Variants in CSMD1 observed in about 807,000 individuals in gnomAD.
CSMD1 encodes CUB and sushi domain-containing protein 1.
CSMD1 carries 213 observed loss-of-function variants against 417.5 expected under a neutral mutation model. That is an observed-to-expected ratio of 0.51 (90% CI 0.46 to 0.57). The LOEUF is 0.57. Ranked by LOEUF, CSMD1 falls within the 20% of genes least tolerant of loss-of-function variation. The pLI is 0.00. For synonymous variants in CSMD1, 2,862 were observed against 1,736.8 expected, an observed-to-expected ratio of 1.65 and a Z score of -16.11; for missense variants, 6,923 against 4,529.7, an observed-to-expected ratio of 1.53 and a Z score of -15.17.
At chr8:3,332,060 T>G (rs1268125322) in intron 23 of CSMD1, among the ~76,000 whole-genome samples, 1 of 152,182 alleles carries the variant, frequency 6.6e-6, no homozygotes, top group Non-Finnish European at 1.5e-5. Flanking sequence ...AGATTATCAA[T>G]CAATAGATGA....
intron 2 of CSMD1, among the ~76,000 whole-genome samples, chr8:4,439,434 T>C (rs969651086): frequency 6.6e-6 from 1 of 152,150 alleles, no homozygotes; most frequent in Non-Finnish European, 1.5e-5. Flanking sequence ...AATGTAATGA[T>C]TTTCATCTAA....
At chr8:3,479,333 T>A (rs1317254824) in intron 11 of CSMD1, among the ~76,000 whole-genome samples, 2 of 152,194 alleles carry the variant, frequency 1.3e-5, no homozygotes, top group Non-Finnish European at 2.9e-5. Flanking sequence ...CAGGCTGGAG[T>A]GCAGTGGCAT....
chr8:4,993,928 C>T (rs1456502032), intron 1 of CSMD1, among the ~76,000 whole-genome samples: 3 of 152,094 alleles, frequency 2.0e-5, no homozygotes, highest in African/African-American at 4.8e-5. Flanking sequence ...CCAGGCGCGT[C>T]GGGTCCGGGG....
chr8:4,311,064 G>T (rs543045913), intron 3 of CSMD1, among the ~76,000 whole-genome samples: 4 of 152,154 alleles, frequency 2.6e-5, no homozygotes, highest in African/African-American at 9.7e-5. Context: ...GTGTAAATTA[G>T]TTCAACTACT....
intron 3 of CSMD1, among the ~76,000 whole-genome samples, chr8:4,154,188 G>A (rs1448259978): frequency 1.3e-5 from 2 of 152,156 alleles, no homozygotes; most frequent in African/African-American, 2.4e-5. Flanking sequence ...AACCTTAGAT[G>A]CCACATCTAT....
intron 52 of CSMD1, among the ~76,000 whole-genome samples, chr8:3,004,381 A>C (rs532196533): frequency 6.6e-6 from 1 of 152,282 alleles, no homozygotes; most frequent in South Asian, 2.1e-4. Flanking sequence ...GTGTGTCAGA[A>C]ATTGTCCTAT....
intron 12 of CSMD1, among the ~76,000 whole-genome samples, chr8:3,413,768 C>A (rs1332996108): frequency 6.6e-6 from 1 of 152,150 alleles, no homozygotes; most frequent in Non-Finnish European, 1.5e-5. Flanking sequence ...GAGTAAGATA[C>A]TGTTGACAAT....
rs1802160316 is a variant in CSMD1 at position 3,616,777 on chromosome 8, A to G, written c.1030T>C (p.Leu344=). The change falls in exon 8 of 70, where the codon TTG becomes CTG. Residue 344 remains leucine, a synonymous_variant. Transcript: ENST00000635120. ...GGATCTGGACACATGTCAGAGACCA[A>G]TGCAACACCTCCTTGGCTCACTGTA... ...NSVLSQGGVA[L]VSDMCPDPGI... 6.2e-7 allele frequency: 1 copy of G among 1,611,948 alleles called. No individual in the cohort carries two copies. The highest frequency in any genetic ancestry group is 8.5e-7 in the Non-Finnish European group (1 of 1,178,812).
chr8:3,441,374 A>C (rs1814974576), intron 12 of CSMD1, among the ~76,000 whole-genome samples: 1 of 152,106 alleles, frequency 6.6e-6, no homozygotes, highest in Admixed American at 6.6e-5. Flanking sequence ...CGACTGATAT[A>C]AACATGTGAT....
intron 40 of CSMD1, among the ~76,000 whole-genome samples, chr8:3,144,067 G>T (rs7004684): frequency 6.6e-6 from 1 of 152,084 alleles, no homozygotes; most frequent in African/African-American, 2.4e-5. Context: ...CCTGCTTGGT[G>T]GGCATCACGT....
intron 3 of CSMD1, among the ~76,000 whole-genome samples, chr8:4,146,352 C>T (rs900831672): frequency 6.6e-6 from 1 of 150,742 alleles, no homozygotes; most frequent in Non-Finnish European, 1.5e-5. Flanking sequence ...TTCTGATAAG[C>T]TTCAGCCCAA....
At chr8:3,639,997 T>C (rs1404163812) in intron 7 of CSMD1, among the ~76,000 whole-genome samples, 4 of 152,230 alleles carry the variant, frequency 2.6e-5, no homozygotes, top group Admixed American at 1.3e-4. Context: ...GGTTGGGATA[T>C]AGTAGGTGCT....
intron 2 of CSMD1, among the ~76,000 whole-genome samples, chr8:4,438,834 G>C (rs1400513734): frequency 2.6e-5 from 4 of 152,172 alleles, no homozygotes; most frequent in African/African-American, 4.8e-5. Flanking sequence ...TCTCAAAATT[G>C]AAAGGTGTAT....
intron 5 of CSMD1, among the ~76,000 whole-genome samples, chr8:3,989,242 T>G (rs1814561614): frequency 6.6e-6 from 1 of 152,186 alleles, no homozygotes; most frequent in African/African-American, 2.4e-5. Flanking sequence ...ATCTGGGACT[T>G]CCAGAGCAAA....
intron 3 of CSMD1, among the ~76,000 whole-genome samples, chr8:4,363,379 T>C (rs1179566048): frequency 6.6e-6 from 1 of 152,194 alleles, no homozygotes; most frequent in Non-Finnish European, 1.5e-5. Context: ...CGTGCATGCT[T>C]TATACGTAAG....
chr8:4,400,061 T>G (rs755384566), intron 3 of CSMD1, among the ~76,000 whole-genome samples: 3 of 152,112 alleles, frequency 2.0e-5, no homozygotes, highest in Non-Finnish European at 2.9e-5. Context: ...ATGGACAGTA[T>G]CAGCATGCCA....
At chr8:4,808,925 G>A (rs1376441893) in intron 1 of CSMD1, among the ~76,000 whole-genome samples, 1 of 152,166 alleles carries the variant, frequency 6.6e-6, no homozygotes, top group Non-Finnish European at 1.5e-5. Context: ...ATTATTTGGG[G>A]TCAGAGATAG....
At chr8:4,033,201 G>A (rs1054567939) in intron 3 of CSMD1, among the ~76,000 whole-genome samples, 5 of 150,900 alleles carry the variant, frequency 3.3e-5, no homozygotes, top group South Asian at 4.2e-4. Flanking sequence ...AGCACTTTGG[G>A]AGGCCGAGGC....
At chr8:4,620,337 A>C (rs1222600744) in intron 2 of CSMD1, among the ~76,000 whole-genome samples, 1 of 151,672 alleles carries the variant, frequency 6.6e-6, no homozygotes, top group Non-Finnish European at 1.5e-5. Flanking sequence ...ATATGTATAC[A>C]CATAAAAGCT....
Sources: allele counts gnomAD v4.1 joint callset (sites outside exome capture counted in the v4.1 genomes callset), GRCh38; gene constraint gnomAD v4.1.1; transcripts MANE v1.5; gene names NCBI Gene and HGNC (gene_info 2026-07-23, HGNC 2026-07-21).